The following ABCA13 variants were observed in gnomAD, a reference collection of about 807,000 sequenced individuals.
The protein encoded by ABCA13 is ATP binding cassette subfamily A member 13.
In ABCA13, 476 loss-of-function variants were observed where a neutral mutation model predicts 478.7. The ratio of observed to expected loss-of-function variants is 0.99; its 90% CI spans 0.92 to 1.07. The LOEUF (loss-of-function observed/expected upper bound fraction) is 1.07. ABCA13 is among the 50% of genes least tolerant of loss of function. The probability of loss-of-function intolerance (pLI) is 0.00; values close to 1 mark genes in which losing one functional copy is unlikely to be tolerated. For synonymous variants in ABCA13, 2,252 were observed against 2,158.9 expected (o/e 1.04, Z -1.20); for missense variants, 6,060 against 5,910.6 (o/e 1.03, Z -0.83).
intron 59 of ABCA13, among the ~76,000 whole-genome samples, chr7:48,619,698 C>T (rs1415735523): frequency 2.6e-5 from 4 of 152,064 alleles, no homozygotes; most frequent in Non-Finnish European, 1.5e-5. Flanking sequence ...TGCCAAGTGG[C>T]CTCCAAACCC....
chr7:48,285,700 A>C (rs1248500671), intron 19 of ABCA13, among the ~76,000 whole-genome samples: 1 of 152,252 alleles, frequency 6.6e-6, no homozygotes, highest in African/African-American at 2.4e-5. Context: ...TTCAGGGTGC[A>C]TTCTCTGCTC....
intron 45 of ABCA13, among the ~76,000 whole-genome samples, chr7:48,475,458 ATTTTTTTTTT>A (rs398047655): frequency 1.0e-5 from 1 of 100,476 alleles, no homozygotes; most frequent in Non-Finnish European, 1.9e-5. Flanking sequence ...TGTCAATTTA[ATTTTTTTTTT>A]TTTTTTTTTT....
intron 48 of ABCA13, among the ~76,000 whole-genome samples, chr7:48,502,990 A>T (rs1007395270): frequency 9.2e-5 from 14 of 152,306 alleles, no homozygotes; most frequent in Admixed American, 5.2e-4. Context: ...CTAAGATCTA[A>T]TTTCTCAGCA....
intron 50 of ABCA13, among the ~76,000 whole-genome samples, chr7:48,510,284 G>A (rs964427362): frequency 3.3e-5 from 5 of 152,258 alleles, no homozygotes; most frequent in Non-Finnish European, 7.3e-5. Context: ...CCTGAGATCT[G>A]TGAGGTAAGA....
At chr7:48,639,071 A>G (rs1486216937) in intron 59 of ABCA13, among the ~76,000 whole-genome samples, 2 of 152,134 alleles carry the variant, frequency 1.3e-5, no homozygotes, top group Non-Finnish European at 2.9e-5. Context: ...TAATTGGGAT[A>G]ATGTGTTTGG....
Position 48,313,074 on chromosome 7 carries a change from T to A in ABCA13, c.9524T>A (p.Met3175Lys), listed in dbSNP as rs755514631. ...DVRAFIYKTL[M>K]PSEANGLLNS... ...TTTTGTTTTGTCCTTTAGACTCTGA[T>A]GCCTTCTGAAGCAAATGGCTTGCTC... The change falls in exon 25 of 62, where the codon ATG becomes AAG. Residue 3175 changes from methionine (M) to lysine (K), a missense_variant. Physicochemically the swap from Met to Lys is moderately conservative, Grantham distance 95. Around this residue, in one of 3 missense-constraint regions of ABCA13, gnomAD observed 4,423 missense variants for 4,309.1 expected, o/e 1.03. Transcript: ENST00000435803. 3 of 1,582,354 alleles carry A rather than the reference T, an allele frequency of 1.9e-6. No individual in the cohort carries two copies. Among genetic ancestry groups the A allele is most frequent in the Non-Finnish European group, 2.6e-6 (3 of 1,164,514 alleles).
intron 59 of ABCA13, chr7:48,627,225 A>T (rs944755692): frequency 2.0e-5 from 5 of 253,444 alleles, no homozygotes; most frequent in Non-Finnish European, 2.5e-5. Flanking sequence ...TATTGAGAAA[A>T]GCAGTTTTCA....
chr7:48,287,777 T>C (rs1048546635), intron 19 of ABCA13, among the ~76,000 whole-genome samples, 183 bp from the exon 20 acceptor site: 1 of 152,178 alleles, frequency 6.6e-6, no homozygotes, highest in Non-Finnish European at 1.5e-5. Flanking sequence ...AAATCTTTAT[T>C]TTATTACATT....
chr7:48,564,952 G>C (rs775438936), intron 55 of ABCA13, among the ~76,000 whole-genome samples: 13 of 152,094 alleles, frequency 8.5e-5, no homozygotes, highest in Non-Finnish European at 1.5e-4. Flanking sequence ...ATTAGATTTG[G>C]TAAAGGAGTT....
At chr7:48,469,155 G>A (rs766888059) in intron 44 of ABCA13, among the ~76,000 whole-genome samples, 3 of 152,126 alleles carry the variant, frequency 2.0e-5, no homozygotes, top group South Asian at 2.1e-4. Context: ...AACTTAAAAC[G>A]CCAAGTGGGG....
chr7:48,316,684 C>T (rs1448464303), intron 26 of ABCA13, among the ~76,000 whole-genome samples: 1 of 152,176 alleles, frequency 6.6e-6, no homozygotes, highest in African/African-American at 2.4e-5. Context: ...AGAAGCATGG[C>T]ACCAGCATCT....
intron 55 of ABCA13, among the ~76,000 whole-genome samples, chr7:48,579,206 A>T (rs1788470015): frequency 6.6e-6 from 1 of 151,290 alleles, no homozygotes; most frequent in Non-Finnish European, 1.5e-5. Context: ...CAATCCATAG[A>T]CTGGGAAAAA....
At chr7:48,219,277 A>T in intron 3 of ABCA13, 77 bp from the exon 4 acceptor site, 1 of 1,468,896 alleles carries the variant, frequency 6.8e-7, no homozygotes, top group Non-Finnish European at 9.1e-7. Context: ...GCAATTTGGT[A>T]TCAAGAATCT....
intron 48 of ABCA13, among the ~76,000 whole-genome samples, chr7:48,493,244 G>T (rs1379896258): frequency 6.6e-6 from 1 of 152,012 alleles, no homozygotes; most frequent in East Asian, 1.9e-4. Flanking sequence ...ATTTGCTTTT[G>T]CACTATATTT....
rs1243230148 is a variant in ABCA13 at position 48,278,284 on chromosome 7, G to T, written c.7090G>T (p.Asp2364Tyr). Residue 2364 changes from aspartate to tyrosine, a missense_variant, in exon 18 of 62, where the codon GAT becomes TAT. Transcript: ENST00000435803. The part of the protein sequence containing the change: ...DTHQGLKFMQ[D>Y]LFNALLRETS... ...TCATCAAGGACTGAAGTTCATGCAA[G>T]ATTTATTTAATGCCCTTCTCAGGGA... The T allele has an allele frequency of 5.6e-6, 9 of 1,612,550 alleles. No individual in the cohort carries two copies. The East Asian group carries it at 2.0e-4, about 36-fold the overall frequency.
At chr7:48,619,534 C>G (rs6976938) in intron 59 of ABCA13, among the ~76,000 whole-genome samples, 58,542 of 152,068 alleles carry the variant, frequency 0.38, 12,152 homozygotes, top group African/African-American at 0.53. Flanking sequence ...CCAGCAAGGG[C>G]ATGCAGAGGT....
In ABCA13 at chr7:48,352,279, T is replaced by C. The variant is rs1489425071; in HGVS notation, c.10480T>C (p.Tyr3494His). 7 of 1,613,790 alleles carry C rather than the reference T, an allele frequency of 4.3e-6. No individual in the cohort carries two copies. The highest frequency in any genetic ancestry group is 5.9e-6 in the Non-Finnish European group (7 of 1,179,900). The change falls in exon 31 of 62, where the codon TAC (tyrosine) becomes CAC (histidine). Residue 3494 changes from tyrosine (Y) to histidine (H), a missense_variant. Transcript: ENST00000435803. ...VSYTIRTNVL[Y>H]SVRTDVVKNP... The stretch of plus-strand genomic sequence containing the variant: ...ATACACAATCCGGACCAATGTGTTA[T>C]ACAGCGTGCGAACAGATGTGGTAAA...
intron 58 of ABCA13, among the ~76,000 whole-genome samples, chr7:48,608,499 T>C (rs1004511986): frequency 2.6e-5 from 4 of 152,226 alleles, no homozygotes; most frequent in East Asian, 1.9e-4. Flanking sequence ...GCATGCTACA[T>C]CCACGTAATT....
At chr7:48,643,186 T>C in intron 59 of ABCA13, 102 bp from the exon 60 acceptor site, 1 of 705,954 alleles carries the variant, frequency 1.4e-6, no homozygotes, top group African/African-American at 1.8e-5. Flanking sequence ...CAATTTGGAG[T>C]AATTACTTCC....
Sources: allele counts gnomAD v4.1 joint callset (sites outside exome capture counted in the v4.1 genomes callset), GRCh38; gene constraint gnomAD v4.1.1; regional missense constraint gnomAD v4.1.1; transcripts MANE v1.5; gene names NCBI Gene and HGNC (gene_info 2026-07-23, HGNC 2026-07-21).